The following BRF1 variants were observed in gnomAD, a reference collection of about 807,000 sequenced individuals.
BRF1 encodes the protein BRF1 general transcription factor IIIB subunit.
In BRF1, 59 loss-of-function variants were observed where a neutral mutation model predicts 81.7. The ratio of observed to expected loss-of-function variants is 0.72; its 90% CI spans 0.59 to 0.90. The LOEUF (loss-of-function observed/expected upper bound fraction) is 0.90. BRF1 is among the 40% of genes least tolerant of loss of function. BRF1 has a pLI of 0.00. For missense variants in BRF1, 1,050 were observed against 936.3 expected, an observed-to-expected ratio of 1.12 and a Z score of -1.58; for synonymous variants, 491 against 395.6, an observed-to-expected ratio of 1.24 and a Z score of -2.86.
intron 2 of BRF1, among the ~76,000 whole-genome samples, chr14:105,273,917 G>T (rs2056766612): frequency 6.6e-6 from 1 of 152,234 alleles, no homozygotes; most frequent in African/African-American, 2.4e-5. Flanking sequence ...TGCTGAGGTG[G>T]ATTGGTAAAA....
intron 3 of BRF1, among the ~76,000 whole-genome samples, chr14:105,265,317 TTA>T (rs1372113039): frequency 2.6e-5 from 4 of 152,176 alleles, no homozygotes; most frequent in South Asian, 4.2e-4. Flanking sequence ...AGCGCTGGGA[TTA>T]CACCCATAAA....
intron 3 of BRF1, among the ~76,000 whole-genome samples, chr14:105,262,348 C>G (rs961016649): frequency 6.6e-6 from 1 of 152,192 alleles, no homozygotes; most frequent in Non-Finnish European, 1.5e-5. Flanking sequence ...CTCTGGGAGT[C>G]CCTGAATGAC....
rs968559311 is a variant in BRF1 at position 105,249,093 on chromosome 14, C to T, written c.544+3414G>A. 18 of 1,482,158 alleles carry T rather than the reference C, an allele frequency of 1.2e-5. No homozygotes were observed. The African/African-American group carries it at 1.5e-4, about 12-fold the overall frequency. 91.8% of individuals were successfully genotyped at this position (1,482,158 alleles called of 1,614,324 possible). A position where few individuals can be genotyped will look rare whatever the true frequency, so the allele number is the denominator to read the frequency against. On this transcript the variant is annotated intron_variant, in intron 5 of 17. Transcript: ENST00000547530. Reference sequence around the variant, plus strand: ...CCCCACGCTGCGCGAGAGGTGAGCCCGTGCCCCGCGGCCCCCGCGCCCGCG... The same window carrying T: ...CCCCACGCTGCGCGAGAGGTGAGCCTGTGCCCCGCGGCCCCCGCGCCCGCG...
chr14:105,213,175 G>A (rs1349051638), intron 15 of BRF1: 1 of 152,384 alleles, frequency 6.6e-6, no homozygotes, highest in Non-Finnish European at 1.5e-5. Context: ...GGCCTCTGGG[G>A]ATGGCAGCTG....
rs1490576762 is a variant in BRF1, at chr14:105,209,335, C to G, written c.*1216G>C. On this transcript the variant is annotated 3_prime_UTR_variant, in exon 18 of 18. Coordinates refer to ENST00000547530, the MANE Select transcript of BRF1 (RefSeq NM_001519.4). ...TCCTGCTTTACTAAATCTATTCTTC[C>G]CCCAAGCCCTCGAGAAGCCCTGGCA... 1.2e-5 allele frequency: 7 copies of G among 563,586 alleles called. No individual in the cohort carries two copies. The highest frequency in any genetic ancestry group is 1.9e-5 in the Non-Finnish European group (6 of 316,366). The allele number at this position is 563,586 out of a possible 1,614,324, so 34.9% of individuals were successfully genotyped here. A position where few individuals can be genotyped will look rare whatever the true frequency, so the allele number is the denominator to read the frequency against.
At chr14:105,275,211 G>A (rs1249091589) in intron 2 of BRF1, among the ~76,000 whole-genome samples, 2 of 152,304 alleles carry the variant, frequency 1.3e-5, no homozygotes, top group East Asian at 3.9e-4. Flanking sequence ...ACACAGTCTG[G>A]CAGGTCCAGG....
chr14:105,226,405 A>C lies in BRF1; in HGVS notation c.916-115T>G. 6 of 1,501,334 alleles carry C rather than the reference A, an allele frequency of 4.0e-6. No homozygotes were observed. The South Asian group carries it at 6.8e-5, about 17-fold the overall frequency. The allele number at this position is 1,501,334 out of a possible 1,614,324, so 93.0% of individuals were successfully genotyped here. A position where few individuals can be genotyped will look rare whatever the true frequency, so the allele number is the denominator to read the frequency against. Reference sequence around the variant, plus strand: ...AGGCTGCTAGAACTTAGGGGTACGCAGCGATGGAGGTGGAGCTATGGGCCT... The same window carrying C: ...AGGCTGCTAGAACTTAGGGGTACGCCGCGATGGAGGTGGAGCTATGGGCCT... On this transcript the variant is annotated intron_variant, in intron 8 of 17. Transcript: ENST00000547530.
chr14:105,226,087 C>A lies in BRF1; in HGVS notation c.1030G>T (p.Ala344Ser). 6.2e-7 allele frequency: 1 copy of A among 1,613,902 alleles called. No homozygotes were observed. Among genetic ancestry groups the A allele is most frequent in the South Asian group, 1.1e-5 (1 of 91,078 alleles). ...GACTCACCATCTTTTGCCAGGCTGGCCAGGCCCCCCTTGGCCTTTGGCCGG... is the reference window on the plus strand; with the variant it reads ...GACTCACCATCTTTTGCCAGGCTGGACAGGCCCCCCTTGGCCTTTGGCCGG... The part of the protein sequence containing the change: ...NSRPKAKGGL[A>S]SLAKDGSTED... Residue 344 changes from alanine (A) to serine (S), a missense_variant, in exon 10 of 18, where the codon GCC (alanine) becomes TCC (serine). This residue lies in a region of BRF1 where 1,043 missense variants were observed against 915.4 expected (regional missense o/e 1.14). Transcript: ENST00000547530.
chr14:105,242,717 A>G (rs587714219), intron 5 of BRF1: 2 of 145,598 alleles, frequency 1.4e-5, no homozygotes, highest in African/African-American at 5.1e-5. Flanking sequence ...CCTGGGCAAC[A>G]AGAGCGAAGT....
chr14:105,296,401 T>A (rs1485958293), intron 1 of BRF1, among the ~76,000 whole-genome samples: 2 of 151,828 alleles, frequency 1.3e-5, no homozygotes, highest in African/African-American at 4.8e-5. Context: ...TAATCCCAGC[T>A]ACTTGGGAGG....
At chr14:105,280,323 C>T (rs927307221) in intron 2 of BRF1, among the ~76,000 whole-genome samples, 4 of 152,226 alleles carry the variant, frequency 2.6e-5, no homozygotes, top group African/African-American at 9.6e-5. Context: ...GCTCTACGAC[C>T]ACATGACCAA....
intron 1 of BRF1, among the ~76,000 whole-genome samples, chr14:105,293,622 G>T (rs376635223): frequency 1.3e-5 from 2 of 152,312 alleles, no homozygotes; most frequent in East Asian, 3.9e-4. Flanking sequence ...TGGAGCAGAC[G>T]GCCTCCTCAG....
At chr14:105,291,229 G>A (rs7146012) in intron 1 of BRF1, among the ~76,000 whole-genome samples, 45,095 of 151,980 alleles carry the variant, frequency 0.3, 6,926 homozygotes, top group African/African-American at 0.32. Flanking sequence ...TCTGAGCTCC[G>A]ACAAAGCCAG....
chr14:105,267,209 T>TA (rs1357454453), intron 3 of BRF1, among the ~76,000 whole-genome samples: 1 of 152,234 alleles, frequency 6.6e-6, no homozygotes, highest in Non-Finnish European at 1.5e-5. Flanking sequence ...AAACCTCTGC[T>TA]ACGCCAGCAA....
At chr14:105,219,901 TG>T (rs34885040) in intron 12 of BRF1, 167 bp downstream of exon 12, 12,183 of 649,554 alleles carry the variant, frequency 0.019, 499 homozygotes, top group African/African-American at 0.14. Flanking sequence ...GAAGAGAGTG[TG>T]GGGGGGGGTC....
chr14:105,229,542 C>G (rs1320831661), intron 6 of BRF1, among the ~76,000 whole-genome samples: 2 of 152,208 alleles, frequency 1.3e-5, no homozygotes, highest in South Asian at 2.1e-4. Context: ...AGGCCACGGC[C>G]ACATCCACCC....
intron 3 of BRF1, 27 bp downstream of exon 3, chr14:105,272,694 C>T (rs763365824): frequency 3.2e-6 from 5 of 1,573,514 alleles, no homozygotes; most frequent in African/African-American, 1.3e-5. Flanking sequence ...ATGGGGCCCT[C>T]TGGGAGGCTC....
At chr14:105,252,400 G>A in intron 5 of BRF1, 107 bp downstream of exon 5, 2 of 1,475,646 alleles carry the variant, frequency 1.4e-6, no homozygotes, top group South Asian at 2.8e-5. Flanking sequence ...TTACCTTGAG[G>A]GGTCCCATGC....
chr14:105,312,093 T>C (rs190775519), intron 1 of BRF1, among the ~76,000 whole-genome samples: 1 of 152,282 alleles, frequency 6.6e-6, no homozygotes, highest in Admixed American at 6.5e-5. Flanking sequence ...GGGCCTGCTG[T>C]GTGTCTGTGT....
Sources: allele counts gnomAD v4.1 joint callset (sites outside exome capture counted in the v4.1 genomes callset), GRCh38; gene constraint gnomAD v4.1.1; regional missense constraint gnomAD v4.1.1; transcripts MANE v1.5; gene names NCBI Gene and HGNC (gene_info 2026-07-23, HGNC 2026-07-21).